EIF2S3: variants seen among roughly 807,000 people sequenced by gnomAD.
The protein encoded by EIF2S3 is eukaryotic translation initiation factor 2 subunit 3.
EIF2S3 carries 2 observed loss-of-function variants against 31.7 expected under a neutral mutation model. That is an observed-to-expected ratio of 0.06 (90% CI 0.03 to 0.20). The LOEUF is 0.20. Among genes scored for constraint, EIF2S3 ranks in the 10% least tolerant of loss-of-function variants. The probability of loss-of-function intolerance (pLI) is 1.00; values close to 1 mark genes in which losing one functional copy is unlikely to be tolerated. For synonymous variants in EIF2S3, 120 were observed against 126.7 expected (o/e 0.95, Z 0.36); for missense variants, 96 against 359.3 (o/e 0.27, Z 5.92).
chrX:24,077,116 C>A lies in EIF2S3; in HGVS notation c.*331C>A, dbSNP rs1003391589. On this transcript the variant is annotated 3_prime_UTR_variant, in exon 12 of 12. Transcript: ENST00000253039. The stretch of plus-strand genomic sequence containing the variant: ...GTTTTGTTTTTGAGTCTGGCTCTGT[C>A]ACCCAGGCTGGAGTGCAGTGGCGTG... 6.9e-6 allele frequency: 1 copy of A among 145,256 alleles called. No homozygotes were observed. The highest frequency in any genetic ancestry group is 3.2e-5 in the African/African-American group (1 of 31,139). 12.0% of individuals were successfully genotyped at this position (145,256 alleles called of 1,213,427 possible).
intron 11 of EIF2S3, among the ~76,000 whole-genome samples, chrX:24,074,295 A>G (rs1459456432): frequency 1.8e-5 from 2 of 112,397 alleles, no homozygotes; most frequent in African/African-American, 3.2e-5. Flanking sequence ...GAAGCCTAAC[A>G]TTAGATTCAG....
Position 24,076,929 on chromosome X carries a change from T to A in EIF2S3, c.*144T>A. 7.6e-6 allele frequency: 2 copies of A among 264,173 alleles called. No individual in the cohort carries two copies. Among genetic ancestry groups the A allele is most frequent in the South Asian group, 1.9e-4 (1 of 5,156 alleles). The allele number at this position is 264,173 out of a possible 1,213,427, so 21.8% of individuals were successfully genotyped here. ...TAGGTAACGGTAAGGTTATTCTCTT[T>A]TTTTTTTTTTTTTTTTTTGGTTATG... is the stretch of plus-strand genomic sequence containing the variant. On this transcript the variant is annotated 3_prime_UTR_variant, in exon 12 of 12. Transcript: ENST00000253039.
chrX:24,058,836 G>A (rs373027899), intron 4 of EIF2S3, among the ~76,000 whole-genome samples: 57 of 111,041 alleles, frequency 5.1e-4, no homozygotes, highest in Non-Finnish European at 9.4e-4. Context: ...TGATCCGTCC[G>A]CCTCGGCCTC....
At chrX:24,075,755 T>A (rs983633604) in intron 11 of EIF2S3, among the ~76,000 whole-genome samples, 1 of 111,552 alleles carries the variant, frequency 9.0e-6, no homozygotes, top group Non-Finnish European at 1.9e-5. Flanking sequence ...TTATATTTTT[T>A]AGAGGCAGGG....
At chrX:24,055,830 A>G (rs1930395367) in intron 2 of EIF2S3, 152 bp downstream of exon 2, 1 of 557,644 alleles carries the variant, frequency 1.8e-6, no homozygotes, top group Non-Finnish European at 2.9e-6. Flanking sequence ...TTTGCGGTGC[A>G]GGGGGAGCAC....
intron 2 of EIF2S3, among the ~76,000 whole-genome samples, 156 bp downstream of exon 2, chrX:24,055,834 G>T (rs1221250697): frequency 2.7e-5 from 3 of 111,633 alleles, no homozygotes; most frequent in African/African-American, 9.8e-5. Flanking sequence ...CGGTGCAGGG[G>T]GAGCACAAAG....
At chrX:24,062,770 C>T in intron 6 of EIF2S3, 196 bp downstream of exon 6, 1 of 369,195 alleles carries the variant, frequency 2.7e-6, no homozygotes, top group Admixed American at 5.7e-5. Flanking sequence ...ATTTAATATA[C>T]TAAAGTATAT....
At chrX:24,067,623 CTT>C (rs1266922643) in intron 8 of EIF2S3, among the ~76,000 whole-genome samples, 1 of 106,847 alleles carries the variant, frequency 9.4e-6, no homozygotes, top group Non-Finnish European at 1.9e-5. Context: ...CAGAGTCTCT[CTT>C]TGTCACCCAG....
chrX:24,072,032 C>G (rs1055731628), intron 10 of EIF2S3, among the ~76,000 whole-genome samples: 6 of 108,970 alleles, frequency 5.5e-5, no homozygotes, highest in Non-Finnish European at 5.7e-5. Context: ...CGCACCAGCA[C>G]GCCCAGCTAA....
chrX:24,075,393 C>G (rs2147132382), intron 11 of EIF2S3, among the ~76,000 whole-genome samples: 1 of 110,973 alleles, frequency 9.0e-6, no homozygotes, highest in South Asian at 3.8e-4. Context: ...TTTGCTCTTT[C>G]CCAGGTTATT....
chrX:24,071,887 A>G (rs75842504), intron 10 of EIF2S3, among the ~76,000 whole-genome samples, 160 bp downstream of exon 10: 1 of 107,466 alleles, frequency 9.3e-6, no homozygotes, highest in Non-Finnish European at 1.9e-5. Flanking sequence ...TTTTTTTTTA[A>G]TTTAGAGATG....
At chrX:24,073,306 A>G (rs1602048680) in intron 11 of EIF2S3, 43 bp downstream of exon 11, 1 of 1,164,805 alleles carries the variant, frequency 8.6e-7, no homozygotes, top group East Asian at 3.0e-5. Flanking sequence ...AAAAAAAGAC[A>G]CAGTCTTGTA....
intron 2 of EIF2S3, among the ~76,000 whole-genome samples, chrX:24,057,052 G>A (rs1168578606): frequency 1.2e-4 from 11 of 90,303 alleles, no homozygotes; most frequent in Non-Finnish European, 2.3e-4. Context: ...ATTTATTTGC[G>A]ACGGAGTCTC....
intron 9 of EIF2S3, among the ~76,000 whole-genome samples, chrX:24,069,503 G>GT (rs1344808370): frequency 2.7e-5 from 3 of 109,287 alleles, no homozygotes; most frequent in African/African-American, 9.9e-5. Context: ...GAGACCAGGA[G>GT]TTTGAGACCA....
chrX:24,070,174 C>T (rs769601561), intron 9 of EIF2S3, among the ~76,000 whole-genome samples: 142 of 104,398 alleles, frequency 1.4e-3, no homozygotes, highest in Non-Finnish European at 2.4e-3. Context: ...TCGAAAAACC[C>T]TGTCTCTACT....
In EIF2S3 at chrX:24,055,602, T is replaced by A; in HGVS notation, c.70-13T>A. 8.3e-7 allele frequency: 1 copy of A among 1,209,058 alleles called. No homozygotes were observed. The highest frequency in any genetic ancestry group is 3.0e-5 in the East Asian group (1 of 33,851). ...GTTTTACGTGCAGTGTTTTAAAATA[T>A]ATTTCATTGCAGGATGTTACCAAGT... On this transcript the variant is annotated splice_polypyrimidine_tract_variant and intron_variant, in intron 1 of 11. Coordinates refer to ENST00000253039, the MANE Select transcript of EIF2S3 (RefSeq NM_001415.4).
chrX:24,062,599 A>G (rs775184194), intron 6 of EIF2S3, 25 bp downstream of exon 6: 1 of 1,195,967 alleles, frequency 8.4e-7, no homozygotes, highest in Non-Finnish European at 1.1e-6. Flanking sequence ...TATGAAATAA[A>G]TCTATGAATC....
At chrX:24,066,296 C>A (rs761750359) in intron 8 of EIF2S3, among the ~76,000 whole-genome samples, 3 of 109,858 alleles carry the variant, frequency 2.7e-5, no homozygotes, top group Non-Finnish European at 5.7e-5. Flanking sequence ...TCCTCCCACC[C>A]TTCTAGACCT....
rs181306222 is a variant in EIF2S3, at chrX:24,070,147, C to A, written c.1013-1411C>A. ...CTTCGGGAGGCCGAGGTGGACGGAT[C>A]ACCTGAGGTCAGGAGTTCGAAAAAC... is the stretch of plus-strand genomic sequence containing the variant. On this transcript the variant is annotated intron_variant, in intron 9 of 11. Transcript: ENST00000253039. 4.0e-3 allele frequency among the ~76,000 whole-genome samples: 417 copies of A among 105,562 alleles called. 3 individuals carry two copies. Among genetic ancestry groups the A allele is most frequent in the African/African-American group, 0.014 (398 of 28,808 alleles). 91.7% of individuals were successfully genotyped at this position (105,562 alleles called of 115,157 possible).
Sources: allele counts gnomAD v4.1 joint callset (sites outside exome capture counted in the v4.1 genomes callset), GRCh38; gene constraint gnomAD v4.1.1; transcripts MANE v1.5; gene names NCBI Gene and HGNC (gene_info 2026-07-23, HGNC 2026-07-21).